Variants in ZMIZ1 observed in about 807,000 individuals in gnomAD.
ZMIZ1 encodes zinc finger MIZ domain-containing protein 1.
A neutral mutation model predicts 113.9 loss-of-function variants in ZMIZ1; 17 were observed. The ratio of observed to expected loss-of-function variants is 0.15; its 90% confidence interval spans 0.10 to 0.22. The LOEUF is 0.22. Ranked by LOEUF, ZMIZ1 falls within the 10% of genes least tolerant of loss-of-function variation. ZMIZ1 has a pLI of 1.00. For missense variants in ZMIZ1, 1,059 were observed against 1,477.8 expected, an observed-to-expected ratio of 0.72 and a Z score of 4.65; for synonymous variants, 607 against 603.1, an observed-to-expected ratio of 1.01 and a Z score of -0.09.
intron 2 of ZMIZ1, among the ~76,000 whole-genome samples, chr10:79,121,280 C>A (rs1159949023): frequency 6.6e-6 from 1 of 152,174 alleles, no homozygotes; most frequent in Non-Finnish European, 1.5e-5. Context: ...AGTAGCACAG[C>A]CAGAATTGGG....
In ZMIZ1 at chr10:79,174,700, G is replaced by A. The variant is rs187973930; in HGVS notation, c.-50+12567G>A. On this transcript the variant is annotated intron_variant, in intron 4 of 24. Coordinates refer to ENST00000334512, the MANE Select transcript of ZMIZ1 (RefSeq NM_020338.4). ...TGTGGGGCATAGAAGAGCTCAAAGT[G>A]TTAATTCAGAAATGTGGCTGAGTTT... Among the ~76,000 whole-genome samples the A allele has an allele frequency of 3.3e-5, 5 of 152,350 alleles. No individual in the cohort carries two copies. The East Asian group carries it at 9.6e-4, about 29-fold the overall frequency.
intron 3 of ZMIZ1, among the ~76,000 whole-genome samples, chr10:79,152,452 A>G (rs949197527): frequency 2.0e-5 from 3 of 152,222 alleles, no homozygotes; most frequent in Admixed American, 2.0e-4. Flanking sequence ...GTGATCAGAG[A>G]TTACACCACT....
intron 7 of ZMIZ1, among the ~76,000 whole-genome samples, chr10:79,232,467 C>T (rs948586399): frequency 6.6e-6 from 1 of 152,080 alleles, no homozygotes; most frequent in East Asian, 1.9e-4. Flanking sequence ...GTTACATTAT[C>T]GTTACTGTTC....
At chr10:79,113,535 C>T (rs1393694578) in intron 1 of ZMIZ1, among the ~76,000 whole-genome samples, 2 of 152,206 alleles carry the variant, frequency 1.3e-5, no homozygotes, top group Non-Finnish European at 2.9e-5. Context: ...TTCCAGCCTG[C>T]TCCACACTCC....
intron 2 of ZMIZ1, among the ~76,000 whole-genome samples, chr10:79,135,675 C>T (rs940455282): frequency 2.0e-5 from 3 of 152,206 alleles, no homozygotes; most frequent in African/African-American, 7.2e-5. Context: ...TCAGGGTCAG[C>T]GTGGCCCATT....
chr10:79,069,557 G>T lies in ZMIZ1; in HGVS notation c.-337+287G>T, dbSNP rs1486836858. Among the ~76,000 whole-genome samples the T allele has an allele frequency of 6.6e-6, 1 of 151,750 alleles. No homozygotes were observed. Among genetic ancestry groups the T allele is most frequent in the East Asian group, 2.0e-4 (1 of 5,108 alleles). ...GGGGCGTAAGTGTGGTCGTGCGCGC[G>T]CGGACCCGGTGCCCGCCTCCTGCCG... On this transcript the variant is annotated intron_variant, in intron 1 of 24. Transcript: ENST00000334512. The surrounding 1 kb of genome is among the most constrained non-coding windows in gnomAD (Gnocchi z 4.6).
chr10:79,079,691 A>G (rs1336516654), intron 1 of ZMIZ1, among the ~76,000 whole-genome samples: 1 of 152,212 alleles, frequency 6.6e-6, no homozygotes, highest in East Asian at 1.9e-4. Context: ...GGCCTTCTGC[A>G]GCAGCTGACT....
At chr10:79,279,882 G>A (rs1223172562) in intron 8 of ZMIZ1, among the ~76,000 whole-genome samples, 2 of 152,184 alleles carry the variant, frequency 1.3e-5, no homozygotes, top group East Asian at 3.8e-4. Flanking sequence ...GAATCAGGCA[G>A]GGAGGTTGCA....
At chr10:79,277,154 C>T in intron 7 of ZMIZ1, 27 bp from the exon 8 acceptor site, 1 of 1,489,458 alleles carries the variant, frequency 6.7e-7, no homozygotes, top group Non-Finnish European at 8.9e-7. Context: ...GAACAAGCAC[C>T]CACTGACTGT....
chr10:79,305,850 TGCTCCCCACGAGG>T (rs1854652851), intron 21 of ZMIZ1, among the ~76,000 whole-genome samples: 1 of 152,184 alleles, frequency 6.6e-6, no homozygotes, highest in South Asian at 2.1e-4. Context: ...CTCCACCTGC[TGCTCCCCACGAGG>T]GAGCCCTTGA....
At chr10:79,307,314 TG>T in intron 22 of ZMIZ1, 90 bp from the exon 23 acceptor site, 1 of 1,334,854 alleles carries the variant, frequency 7.5e-7, no homozygotes. Flanking sequence ...GAAAAGGACT[TG>T]GCTTGTATTT....
chr10:79,111,657 T>G (rs1228556069), intron 1 of ZMIZ1, among the ~76,000 whole-genome samples: 1 of 152,202 alleles, frequency 6.6e-6, no homozygotes, highest in Non-Finnish European at 1.5e-5. Context: ...AGTTAATGAT[T>G]CATTTGTGGC....
At chr10:79,304,256 A>G (rs1854533474) in intron 19 of ZMIZ1, 81 bp downstream of exon 19, 22 of 1,541,472 alleles carry the variant, frequency 1.4e-5, no homozygotes, top group Non-Finnish European at 1.9e-5. Flanking sequence ...GAGGGGCAAC[A>G]GAGCCTGTCC....
intron 7 of ZMIZ1, among the ~76,000 whole-genome samples, chr10:79,245,669 G>A (rs1036859448): frequency 7.9e-5 from 12 of 152,218 alleles, no homozygotes; most frequent in Non-Finnish European, 1.5e-4. Flanking sequence ...CTTCCACAGA[G>A]GTTCTGCGGA....
intron 2 of ZMIZ1, among the ~76,000 whole-genome samples, chr10:79,136,297 C>T (rs936535508): frequency 1.3e-5 from 2 of 152,230 alleles, no homozygotes; most frequent in Non-Finnish European, 2.9e-5. Context: ...GGGGCAGGCC[C>T]AGCTCGTCTC....
Position 79,300,716 on chromosome 10 carries a change from C to G in ZMIZ1, c.1809-16C>G, listed in dbSNP as rs751580849. 1.2e-6 allele frequency: 2 copies of G among 1,611,964 alleles called. No homozygotes were observed. Among genetic ancestry groups the G allele is most frequent in the South Asian group, 1.1e-5 (1 of 90,934 alleles). On this transcript the variant is annotated splice_polypyrimidine_tract_variant and intron_variant, in intron 16 of 24. Transcript: ENST00000334512. ...CCCTGGCAGAGCTGCCCTGAGCACC[C>G]TCGTTCCCCACCTAGGTCTGACCTG...
At chr10:79,196,300 C>T (rs750054614) in intron 4 of ZMIZ1, among the ~76,000 whole-genome samples, 3 of 152,210 alleles carry the variant, frequency 2.0e-5, no homozygotes, top group Non-Finnish European at 4.4e-5. Flanking sequence ...TTGGGTCTCA[C>T]AGGTGTTGCA....
intron 1 of ZMIZ1, among the ~76,000 whole-genome samples, chr10:79,100,508 C>T (rs1461652669): frequency 2.6e-5 from 4 of 151,300 alleles, no homozygotes; most frequent in African/African-American, 9.7e-5. Flanking sequence ...AGCCTGGGAG[C>T]TCAGTGGGGG....
chr10:79,088,674 A>G (rs1439870144), intron 1 of ZMIZ1, among the ~76,000 whole-genome samples: 1 of 152,116 alleles, frequency 6.6e-6, no homozygotes, highest in African/African-American at 2.4e-5. Context: ...TCCGACTCTG[A>G]GATCTTTTAT....
Sources: allele counts gnomAD v4.1 joint callset (sites outside exome capture counted in the v4.1 genomes callset), GRCh38; gene constraint gnomAD v4.1.1; non-coding constraint Gnocchi (gnomAD v3.1); transcripts MANE v1.5; gene names NCBI Gene and HGNC (gene_info 2026-07-23, HGNC 2026-07-21).